The following ADCY10 variants were observed in gnomAD, a reference collection of about 807,000 sequenced individuals.
ADCY10 encodes adenylate cyclase type 10.
In ADCY10, 156 loss-of-function variants were observed where a neutral mutation model predicts 183.3. That is an observed-to-expected ratio of 0.85 (90% confidence interval 0.75 to 0.97). ADCY10 has a LOEUF of 0.97. Among genes scored for constraint, ADCY10 ranks in the 50% least tolerant of loss-of-function variants. The probability of loss-of-function intolerance (pLI) is 0.00; values close to 1 mark genes in which losing one functional copy is unlikely to be tolerated. For missense variants in ADCY10, 1,745 were observed against 1,934.3 expected, an observed-to-expected ratio of 0.90 and a Z score of 1.84; for synonymous variants, 645 against 670.0, an observed-to-expected ratio of 0.96 and a Z score of 0.58.
chr1:167,910,762 G>A (rs1670098793), intron 1 of ADCY10, among the ~76,000 whole-genome samples: 1 of 152,180 alleles, frequency 6.6e-6, no homozygotes, highest in East Asian at 1.9e-4. Flanking sequence ...AGATAGGACT[G>A]AGCAGAACTG....
intron 7 of ADCY10, among the ~76,000 whole-genome samples, chr1:167,894,827 C>G (rs1668846721): frequency 6.6e-6 from 1 of 152,118 alleles, no homozygotes; most frequent in African/African-American, 2.4e-5. Flanking sequence ...CAGCTAGTGT[C>G]TGAAGTTTGT....
intron 6 of ADCY10, among the ~76,000 whole-genome samples, chr1:167,897,053 G>A (rs1169799986): frequency 6.6e-6 from 1 of 151,938 alleles, no homozygotes; most frequent in Admixed American, 6.6e-5. Context: ...AAGTGTTAAA[G>A]GACGGGGGCT....
Position 167,824,517 on chromosome 1 carries a change from C to T in ADCY10, c.4011G>A (p.Gln1337=). The change falls in exon 28 of 33, where the codon CAG becomes CAA. Residue 1337 remains glutamine (Q), a synonymous_variant. Coordinates refer to ENST00000367851, the MANE Select transcript of ADCY10 (RefSeq NM_018417.6). ...GACATCTGCTAAGTCTGCAGAGGGA[C>T]TGATAATGTCGGTTGGGATTCTGGA... ...ALLQNPNRHY[Q]SLCRLSRCLL... 1 of 1,614,198 alleles carries T rather than the reference C, an allele frequency of 6.2e-7. No homozygotes were observed. The highest frequency in any genetic ancestry group is 8.5e-7 in the Non-Finnish European group (1 of 1,180,026).
rs203850 is a variant in ADCY10 at position 167,880,463 on chromosome 1, G to A, written c.1139+28C>T. On this transcript the variant is annotated intron_variant, in intron 10 of 32. Transcript: ENST00000367851. Reference sequence around the variant, plus strand: ...TTATGCCTCAAAAGGGTCAGGGACCGCTGGGTGGGACCAGGGTCAATACTC... The same window carrying A: ...TTATGCCTCAAAAGGGTCAGGGACCACTGGGTGGGACCAGGGTCAATACTC... 47,820 of 1,526,540 alleles carry A rather than the reference G, an allele frequency of 0.031. 6,754 individuals carry two copies. In the African/African-American group the frequency reaches 0.41, roughly 13 times the overall value. 94.6% of individuals were successfully genotyped at this position (1,526,540 alleles called of 1,614,324 possible). A position where few individuals can be genotyped will look rare whatever the true frequency, so the allele number is the denominator to read the frequency against.
At chr1:167,863,323 G>C (rs540045950) in intron 14 of ADCY10, among the ~76,000 whole-genome samples, 1 of 152,086 alleles carries the variant, frequency 6.6e-6, no homozygotes, top group Non-Finnish European at 1.5e-5. Context: ...GAAATCTCTC[G>C]TTCTGTTCTG....
At chr1:167,815,515 A>C (rs2101835397) in intron 31 of ADCY10, among the ~76,000 whole-genome samples, 1 of 152,286 alleles carries the variant, frequency 6.6e-6, no homozygotes, top group South Asian at 2.1e-4. Flanking sequence ...AGGCTCACTA[A>C]AAGACTGAGA....
At chr1:167,897,517 G>GTATA (rs1415937620) in intron 6 of ADCY10, among the ~76,000 whole-genome samples, 13 of 69,004 alleles carry the variant, frequency 1.9e-4, no homozygotes, top group African/African-American at 4.2e-4. Flanking sequence ...ATATATATAT[G>GTATA]TATATATATA....
intron 31 of ADCY10, among the ~76,000 whole-genome samples, chr1:167,813,625 T>C (rs191910088): frequency 6.6e-6 from 1 of 152,154 alleles, no homozygotes; most frequent in Non-Finnish European, 1.5e-5. Context: ...CAAAGGTAAA[T>C]ACATGGACAA....
At chr1:167,901,618 C>A in intron 5 of ADCY10, 44 bp downstream of exon 5, 17 of 1,597,150 alleles carry the variant, frequency 1.1e-5, no homozygotes, top group Non-Finnish European at 1.5e-5. Context: ...GAGTCAAGAC[C>A]CTATCCCAGC....
chr1:167,848,328 C>A (rs3820395), intron 19 of ADCY10, 33 bp downstream of exon 19: 9 of 1,597,502 alleles, frequency 5.6e-6, no homozygotes, highest in South Asian at 2.2e-5. Context: ...GGATTACAGG[C>A]GTGAGCCACT....
At chr1:167,872,477 G>A (rs1046650597) in intron 13 of ADCY10, among the ~76,000 whole-genome samples, 97 of 151,814 alleles carry the variant, frequency 6.4e-4, no homozygotes, top group African/African-American at 7.3e-5. Flanking sequence ...ATTCTAAAAT[G>A]AGATTGTCTC....
intron 9 of ADCY10, among the ~76,000 whole-genome samples, chr1:167,880,976 C>A (rs1667836033): frequency 6.6e-6 from 1 of 152,166 alleles, no homozygotes; most frequent in Non-Finnish European, 1.5e-5. Context: ...ATCAGAAAGT[C>A]TCTGTCCTCA....
intron 8 of ADCY10, among the ~76,000 whole-genome samples, chr1:167,887,778 T>TAA (rs113188203): frequency 9.0e-5 from 13 of 143,806 alleles, no homozygotes; most frequent in African/African-American, 3.0e-4. Context: ...AAAATAATTC[T>TAA]AAAAAAAAAA....
At chr1:167,859,783 T>C in intron 16 of ADCY10, 24 bp downstream of exon 16, 1 of 1,585,040 alleles carries the variant, frequency 6.3e-7, no homozygotes, top group Non-Finnish European at 8.7e-7. Flanking sequence ...TTCCCCCTAC[T>C]TCTTGACCCA....
intron 26 of ADCY10, among the ~76,000 whole-genome samples, chr1:167,827,711 A>T (rs1036376187): frequency 3.2e-5 from 4 of 125,372 alleles, no homozygotes; most frequent in South Asian, 4.4e-4. Flanking sequence ...TAAATTTAAA[A>T]AAAAAAAATT....
At chr1:167,818,312 G>A (rs765107879) in intron 30 of ADCY10, 45 bp from the exon 31 acceptor site, 2 of 1,543,154 alleles carry the variant, frequency 1.3e-6, no homozygotes, top group African/African-American at 2.7e-5. Context: ...TCACCCATTA[G>A]GAATAGGCTG....
At chr1:167,863,903 C>T (rs911296945) in intron 14 of ADCY10, among the ~76,000 whole-genome samples, 9 of 152,238 alleles carry the variant, frequency 5.9e-5, no homozygotes, top group Admixed American at 6.5e-5. Context: ...TCACCCACGG[C>T]GTGCCTTTAT....
intron 32 of ADCY10, 143 bp downstream of exon 32, chr1:167,810,582 G>T: frequency 1.3e-6 from 1 of 790,624 alleles, no homozygotes; most frequent in Non-Finnish European, 2.1e-6. Flanking sequence ...AAACTGAGCA[G>T]TAGGTTTCTA....
chr1:167,840,543 A>G (rs867466158), intron 21 of ADCY10, among the ~76,000 whole-genome samples: 2 of 151,852 alleles, frequency 1.3e-5, no homozygotes, highest in African/African-American at 2.4e-5. Flanking sequence ...TTTTTAGTGG[A>G]GATGGGGTTT....
Sources: gnomAD v4.1 joint callset for allele counts (sites outside exome capture counted in the v4.1 genomes callset) on GRCh38, gnomAD v4.1.1 for gene constraint, MANE v1.5 for transcripts, NCBI Gene and HGNC (gene_info 2026-07-23, HGNC 2026-07-21) for gene names.